MS4A6A: variants seen among roughly 807,000 people sequenced by gnomAD.
The protein encoded by MS4A6A is membrane-spanning 4-domains subfamily A member 6A.
In MS4A6A, 19 loss-of-function variants were observed where a neutral mutation model predicts 20.6. The observed-to-expected ratio is 0.92, with a 90% CI of 0.64 to 1.36. The LOEUF is 1.36. MS4A6A is among the 40% of genes most tolerant of loss of function. The pLI is 0.00. For missense variants in MS4A6A, 272 were observed against 261.1 expected, an observed-to-expected ratio of 1.04 and a Z score of -0.29; for synonymous variants, 108 against 105.0, an observed-to-expected ratio of 1.03 and a Z score of -0.17.
intron 4 of MS4A6A, 32 bp from the exon 5 acceptor site, chr11:60,175,643 C>G (rs765583243): frequency 4.4e-6 from 7 of 1,598,200 alleles, no homozygotes; most frequent in Non-Finnish European, 1.7e-6. Flanking sequence ...AGGATCATTG[C>G]TAATGACTCA....
rs1475641565 is a variant in MS4A6A, at chr11:60,181,702, T to C, written c.26A>G (p.Glu9Gly). 6.2e-7 allele frequency: 1 copy of C among 1,614,134 alleles called. No individual in the cohort carries two copies. Among genetic ancestry groups the C allele is most frequent in the Admixed American group, 1.7e-5 (1 of 60,018 alleles). MTSQPVPNETIIVLPSNVI... is the reference protein window; with the variant it reads MTSQPVPNGTIIVLPSNVI... Reference sequence around the variant, plus strand: ...ATTTGATGGGAGCACTATGATGGTCTCATTGGGAACAGGTTGTGATGTCAT... The same window carrying C: ...ATTTGATGGGAGCACTATGATGGTCCCATTGGGAACAGGTTGTGATGTCAT... Residue 9 changes from glutamate to glycine, a missense_variant, in exon 2 of 6, where the codon GAG becomes GGG. Coordinates refer to ENST00000528851, the MANE Select transcript of MS4A6A (RefSeq NM_022349.4).
intron 1 of MS4A6A, 102 bp downstream of exon 1, chr11:60,182,876 T>C: frequency 5.9e-6 from 3 of 504,684 alleles, no homozygotes; most frequent in Non-Finnish European, 5.9e-6. Context: ...AAGGCCCTAG[T>C]GTCTCTTAAC....
rs543996551 is a variant in MS4A6A, at chr11:60,176,830, C to T, written c.340-1219G>A. 8.5e-5 allele frequency among the ~76,000 whole-genome samples: 13 copies of T among 152,202 alleles called. No individual in the cohort carries two copies. In the East Asian group the frequency reaches 9.7e-4, roughly 11 times the overall value. ...ACAAGAGTAGAACTCGCTAAAGCCT[C>T]GATGTCTCTGGTAAGTCTGAGCCCA... is the stretch of plus-strand genomic sequence containing the variant. On this transcript the variant is annotated intron_variant, in intron 4 of 5. Coordinates refer to ENST00000528851, the MANE Select transcript of MS4A6A (RefSeq NM_022349.4).
At position 60,175,528 on chromosome 11, in the gene MS4A6A, G is replaced by A. The variant is rs1310416199; in HGVS notation, c.423C>T (p.Thr141=). 1.2e-6 allele frequency: 2 copies of A among 1,614,012 alleles called. No homozygotes were observed. Among genetic ancestry groups the A allele is most frequent in the African/African-American group, 1.3e-5 (1 of 74,928 alleles). The part of the protein sequence containing the change: ...GFIILSVKQA[T]LNPASLQCEL... ...CACACTGCAGTGAGGCAGGATTTAAGGTGGCCTGTTTGACAGACAGGATAA... is the reference window on the plus strand; with the variant it reads ...CACACTGCAGTGAGGCAGGATTTAAAGTGGCCTGTTTGACAGACAGGATAA... The change falls in exon 5 of 6, where the codon ACC becomes ACT. Residue 141 remains threonine, a synonymous_variant. Coordinates refer to ENST00000528851, the MANE Select transcript of MS4A6A (RefSeq NM_022349.4).
intron 5 of MS4A6A, among the ~76,000 whole-genome samples, chr11:60,173,798 T>C (rs1229291021): frequency 6.6e-6 from 1 of 152,088 alleles, no homozygotes; most frequent in African/African-American, 2.4e-5. Context: ...ACTGTCAGAG[T>C]TGCTAATCAC....
chr11:60,181,692 T>C lies in MS4A6A; in HGVS notation c.36A>G (p.Ile12Met). The change falls in exon 2 of 6, where the codon ATA becomes ATG. Residue 12 changes from isoleucine to methionine, a missense_variant. By Grantham distance (10) the Ile-to-Met change is conservative. Transcript: ENST00000528851. ...TSQPVPNETIIVLPSNVINFS... is the reference protein window; with the variant it reads ...TSQPVPNETIMVLPSNVINFS... ...AGTTGATGACATTTGATGGGAGCAC[T>C]ATGATGGTCTCATTGGGAACAGGTT... is the stretch of plus-strand genomic sequence containing the variant. The C allele has an allele frequency of 1.2e-6, 2 of 1,614,112 alleles. No homozygotes were observed. The highest frequency in any genetic ancestry group is 1.7e-6 in the Non-Finnish European group (2 of 1,179,968).
chr11:60,175,701 T>A lies in MS4A6A; in HGVS notation c.340-90A>T. ...CATTAAATTGTAAGTTATTCCCTTA[T>A]CTGTCCCCTCAGGAGGTCTGGGATT... is the stretch of plus-strand genomic sequence containing the variant. On this transcript the variant is annotated intron_variant, in intron 4 of 5. Transcript: ENST00000528851. 3.7e-6 allele frequency: 5 copies of A among 1,363,870 alleles called. No homozygotes were observed. In the Admixed American group the frequency reaches 7.5e-5, roughly 20 times the overall value. The allele number at this position is 1,363,870 out of a possible 1,614,324, so 84.5% of individuals were successfully genotyped here.
chr11:60,177,003 T>C (rs904272224), intron 4 of MS4A6A: 4 of 152,206 alleles, frequency 2.6e-5, no homozygotes, highest in Non-Finnish European at 4.4e-5. Flanking sequence ...AATAGCCACA[T>C]AGACTATCTA....
At chr11:60,172,264 C>A, downstream of MS4A6A, 2 of 1,609,156 alleles carry the variant, frequency 1.2e-6, no homozygotes, top group Non-Finnish European at 1.7e-6. Flanking sequence ...CTAGAAGAAA[C>A]AAAATATGTT....
At chr11:60,178,954 C>T (rs1280986046) in intron 3 of MS4A6A, 1 of 296,056 alleles carries the variant, frequency 3.4e-6, no homozygotes, top group Non-Finnish European at 6.5e-6. Flanking sequence ...GCCTAGAGGA[C>T]CCTGAGGAGA....
chr11:60,179,057 A>G (rs1856993732), intron 3 of MS4A6A, among the ~76,000 whole-genome samples: 1 of 152,220 alleles, frequency 6.6e-6, no homozygotes, highest in Non-Finnish European at 1.5e-5. Context: ...ATGAAATCCA[A>G]ATCCAAGTGT....
In MS4A6A at chr11:60,172,643, T is replaced by C; in HGVS notation, c.*358A>G. ...ACCAAGTCAATACTATTAAAGAGAC[T>C]AGTGGTTGTGGCAGAAATTGTTTCT... On this transcript the variant is annotated 3_prime_UTR_variant, in exon 6 of 6. Transcript: ENST00000528851. 6 of 1,155,218 alleles carry C rather than the reference T, an allele frequency of 5.2e-6. No homozygotes were observed. Among genetic ancestry groups the C allele is most frequent in the Non-Finnish European group, 6.5e-6 (6 of 929,962 alleles). The allele number at this position is 1,155,218 out of a possible 1,614,324, so 71.6% of individuals were successfully genotyped here.
At chr11:60,178,355 T>A in intron 3 of MS4A6A, 39 bp from the exon 4 acceptor site, 1 of 1,546,372 alleles carries the variant, frequency 6.5e-7, no homozygotes. Context: ...AGATTCCATG[T>A]ACAGAGTACC....
At chr11:60,179,417 C>T (rs1411495044) in intron 3 of MS4A6A, 3 of 470,896 alleles carry the variant, frequency 6.4e-6, no homozygotes, top group Non-Finnish European at 1.1e-5. Flanking sequence ...CTCCTTCCTC[C>T]ATGATCCCCA....
intron 2 of MS4A6A, 123 bp downstream of exon 2, chr11:60,181,458 C>G (rs1857128732): frequency 7.9e-7 from 1 of 1,264,730 alleles, no homozygotes; most frequent in Non-Finnish European, 1.1e-6. Context: ...GGCTTCTACC[C>G]TAAAGTCCCT....
At chr11:60,177,091 A>G (rs1856880138) in intron 4 of MS4A6A, 1 of 152,234 alleles carries the variant, frequency 6.6e-6, no homozygotes, top group Admixed American at 6.5e-5. Flanking sequence ...TGTGACTGCC[A>G]TATTGTACAG....
chr11:60,172,301 A>G, downstream of MS4A6A: 10 of 1,603,216 alleles, frequency 6.2e-6, no homozygotes, highest in Non-Finnish European at 8.5e-6. Context: ...ATCAGGTTCA[A>G]GATAGATGTA....
intron 5 of MS4A6A, among the ~76,000 whole-genome samples, chr11:60,174,448 C>G (rs1376589198): frequency 6.6e-6 from 1 of 151,942 alleles, no homozygotes; most frequent in Non-Finnish European, 1.5e-5. Flanking sequence ...GCCTCAGCCT[C>G]CCAAGTAGCT....
downstream of MS4A6A, chr11:60,172,303 A>G: frequency 1.9e-6 from 3 of 1,598,702 alleles, no homozygotes; most frequent in Non-Finnish European, 2.6e-6. Flanking sequence ...CAGGTTCAAG[A>G]TAGATGTATA....
Sources: gnomAD v4.1 joint callset for allele counts (sites outside exome capture counted in the v4.1 genomes callset) on GRCh38, gnomAD v4.1.1 for gene constraint, MANE v1.5 for transcripts, NCBI Gene and HGNC (gene_info 2026-07-23, HGNC 2026-07-21) for gene names.